Variants in CTNNA2 observed in about 807,000 individuals in gnomAD.
CTNNA2 encodes the protein catenin alpha 2, also known as catenin alpha-2.
In CTNNA2, 42 loss-of-function variants were observed where a neutral mutation model predicts 101.0. That is an observed-to-expected ratio of 0.42 (90% CI 0.32 to 0.54). The LOEUF is 0.54. CTNNA2 is among the 20% of genes least tolerant of loss of function. The pLI is 0.14. For synonymous variants in CTNNA2, 450 were observed against 456.4 expected, an observed-to-expected ratio of 0.99 and a Z score of 0.18; for missense variants, 871 against 1,223.1, an observed-to-expected ratio of 0.71 and a Z score of 4.29.
At chr2:79,470,815 G>T (rs1310948678) in intron 4 of CTNNA2, among the ~76,000 whole-genome samples, 1 of 152,138 alleles carries the variant, frequency 6.6e-6, no homozygotes, top group Non-Finnish European at 1.5e-5. Context: ...TAACTTTGGT[G>T]CATACACGGA....
At position 80,202,204 on chromosome 2, in the gene CTNNA2, A is replaced by G. The variant is rs145167544; in HGVS notation, c.1057-191007A>G. ...TTTCTTTTCCTATTACTAAACCTGT[A>G]TGTACCTGTATCTGTTGATGAATTA... On this transcript the variant is annotated intron_variant, in intron 7 of 18. Coordinates refer to ENST00000402739, the MANE Select transcript of CTNNA2 (RefSeq NM_001282597.3). 3.0e-3 allele frequency among the ~76,000 whole-genome samples: 455 copies of G among 152,286 alleles called. 1 individual carries two copies. The highest frequency in any genetic ancestry group is 0.01 in the African/African-American group (432 of 41,572).
At chr2:79,936,223 T>A (rs1192938447) in intron 7 of CTNNA2, among the ~76,000 whole-genome samples, 2 of 139,430 alleles carry the variant, frequency 1.4e-5, no homozygotes. Flanking sequence ...AGTTTGTTTT[T>A]TTTTATTTTT....
intron 2 of CTNNA2, among the ~76,000 whole-genome samples, chr2:79,296,152 G>A (rs1233679132): frequency 6.6e-6 from 1 of 152,042 alleles, no homozygotes; most frequent in Non-Finnish European, 1.5e-5. Flanking sequence ...ATCCTCAGAT[G>A]ACCTAAAATC....
chr2:79,394,901 G>C (rs770123237), intron 4 of CTNNA2, among the ~76,000 whole-genome samples: 12 of 152,130 alleles, frequency 7.9e-5, no homozygotes, highest in Non-Finnish European at 1.6e-4. Flanking sequence ...TTAGTAAGAG[G>C]TTACATTGAC....
chr2:79,760,452 G>A (rs1672715416), intron 3 of CTNNA2, among the ~76,000 whole-genome samples: 1 of 151,994 alleles, frequency 6.6e-6, no homozygotes, highest in South Asian at 2.1e-4. Flanking sequence ...TGACAGGCTG[G>A]AAACTCAAGT....
chr2:80,254,991 C>CTT (rs1672028003), intron 7 of CTNNA2, among the ~76,000 whole-genome samples: 2 of 152,138 alleles, frequency 1.3e-5, no homozygotes, highest in Middle Eastern at 3.4e-3. Context: ...AGAAATTGAA[C>CTT]ATAATGAGCT....
chr2:79,991,114 C>T (rs927368883), intron 7 of CTNNA2, among the ~76,000 whole-genome samples: 3 of 151,926 alleles, frequency 2.0e-5, no homozygotes, highest in African/African-American at 2.4e-5. Context: ...TGGGATCGGT[C>T]GTGATATCCC....
intron 2 of CTNNA2, among the ~76,000 whole-genome samples, chr2:79,737,339 A>T (rs1670966358): frequency 7.0e-6 from 1 of 142,912 alleles, no homozygotes; most frequent in Non-Finnish European, 1.5e-5. Context: ...ACGGAGTGAG[A>T]CTCCGTCTCA....
intron 1 of CTNNA2, among the ~76,000 whole-genome samples, chr2:79,538,647 G>A (rs902853314): frequency 1.3e-5 from 2 of 152,130 alleles, no homozygotes; most frequent in Admixed American, 6.5e-5. Context: ...CCAAAGTAGG[G>A]GAGCTCAGAG....
chr2:79,777,517 C>A (rs1289282477), intron 3 of CTNNA2, among the ~76,000 whole-genome samples: 1 of 152,132 alleles, frequency 6.6e-6, no homozygotes, highest in Non-Finnish European at 1.5e-5. Flanking sequence ...ATTACTAGAA[C>A]AGGAATTCAG....
Position 80,574,180 on chromosome 2 carries a change from G to T in CTNNA2, c.1759G>T (p.Glu587Ter). 1 of 1,612,666 alleles carries T rather than the reference G, an allele frequency of 6.2e-7. No homozygotes were observed. The highest frequency in any genetic ancestry group is 1.1e-5 in the South Asian group (1 of 90,966). The stretch of plus-strand genomic sequence containing the variant: ...TAACCCAGTGATGCCACGCTTCGCT[G>T]AACAAGTAGAGGTTGCCATTGAAGC... ...LSETVMPRFA[E>*]QVEVAIEALS... The change falls in exon 13 of 19, where the codon GAA (glutamate) becomes TAA (stop). Residue 587 changes from glutamate (E) to a stop codon, truncating the protein, a stop_gained. Transcript: ENST00000402739. LOFTEE classifies it high-confidence loss of function.
At chr2:80,097,164 T>G (rs1700207350) in intron 7 of CTNNA2, among the ~76,000 whole-genome samples, 1 of 152,212 alleles carries the variant, frequency 6.6e-6, no homozygotes, top group African/African-American at 2.4e-5. Context: ...CTTTCCATGT[T>G]TAGTGCTTCC....
intron 6 of CTNNA2, 21 bp from the exon 7 acceptor site, chr2:79,909,567 TTGTGTG>T: frequency 6.5e-7 from 1 of 1,534,250 alleles, no homozygotes; most frequent in Non-Finnish European, 8.9e-7. Context: ...CTGCTGATTT[TTGTGTG>T]TGTGTGTGTG....
intron 9 of CTNNA2, among the ~76,000 whole-genome samples, chr2:80,493,709 C>T (rs780247460): frequency 4.6e-5 from 7 of 152,178 alleles, no homozygotes; most frequent in African/African-American, 1.7e-4. Context: ...TCTGTCCTCT[C>T]CACTAGCTAA....
chr2:79,975,169 T>C (rs1379427309), intron 7 of CTNNA2, among the ~76,000 whole-genome samples: 1 of 152,156 alleles, frequency 6.6e-6, no homozygotes, highest in Non-Finnish European at 1.5e-5. Context: ...TGAAACAAAA[T>C]GATTTTGAGT....
chr2:79,912,385 T>C (rs1453638877), intron 7 of CTNNA2, among the ~76,000 whole-genome samples: 1 of 152,252 alleles, frequency 6.6e-6, no homozygotes, highest in Non-Finnish European at 1.5e-5. Context: ...CTTAGCCACG[T>C]AGCTTCCATT....
At chr2:79,513,854 A>G (rs1329837530) in intron 1 of CTNNA2, among the ~76,000 whole-genome samples, 1 of 152,198 alleles carries the variant, frequency 6.6e-6, no homozygotes, top group Non-Finnish European at 1.5e-5. Context: ...CACCAATTTA[A>G]AATCCAGCCT....
At chr2:79,449,054 C>A (rs1431009340) in intron 4 of CTNNA2, among the ~76,000 whole-genome samples, 1 of 151,968 alleles carries the variant, frequency 6.6e-6, no homozygotes, top group African/African-American at 2.4e-5. Flanking sequence ...AGTTGGCCCT[C>A]AAGATAGTTC....
chr2:79,199,256 T>C (rs1674001826), intron 2 of CTNNA2, among the ~76,000 whole-genome samples: 1 of 152,218 alleles, frequency 6.6e-6, no homozygotes, highest in Non-Finnish European at 1.5e-5. Context: ...TGTTCTTTCC[T>C]GCACCACCCC....
Sources: allele counts gnomAD v4.1 joint callset (sites outside exome capture counted in the v4.1 genomes callset), GRCh38; gene constraint gnomAD v4.1.1; transcripts MANE v1.5; gene names NCBI Gene and HGNC (gene_info 2026-07-23, HGNC 2026-07-21).